The following SMIM41 variants were observed in gnomAD, a reference collection of about 807,000 sequenced individuals.
SMIM41 encodes the protein small integral membrane protein 41.
At chr12:52,085,788 G>A (rs899587442) in intron 2 of SMIM41, among the ~76,000 whole-genome samples, 2 of 152,194 alleles carry the variant, frequency 1.3e-5, no homozygotes, top group African/African-American at 4.8e-5. Context: ...CCAAAGCAGA[G>A]GGCTGTCTGT....
At chr12:52,089,058 G>T (rs1038415859) in intron 2 of SMIM41, among the ~76,000 whole-genome samples, 5 of 151,830 alleles carry the variant, frequency 3.3e-5, no homozygotes, top group African/African-American at 1.2e-4. Flanking sequence ...ACTGCTCCAG[G>T]CACCAAGGGA....
chr12:52,098,712 T>A (rs1372446978), intron 2 of SMIM41, among the ~76,000 whole-genome samples: 1 of 141,762 alleles, frequency 7.1e-6, no homozygotes, highest in Non-Finnish European at 1.5e-5. Flanking sequence ...CTCTCCCCCC[T>A]TGTATATTAG....
intron 2 of SMIM41, among the ~76,000 whole-genome samples, chr12:52,095,118 A>AT (rs370975499): frequency 2.7e-4 from 38 of 138,946 alleles, no homozygotes; most frequent in African/African-American, 4.9e-4. Flanking sequence ...CTTAATTAAA[A>AT]TTTTTTTTTT....
At chr12:52,104,989 A>G (rs1940305369) in intron 2 of SMIM41, among the ~76,000 whole-genome samples, 1 of 152,230 alleles carries the variant, frequency 6.6e-6, no homozygotes, top group Non-Finnish European at 1.5e-5. Flanking sequence ...AGACTAGAAA[A>G]GGAGCAATGC....
At chr12:52,086,127 G>A (rs1309900275) in intron 2 of SMIM41, among the ~76,000 whole-genome samples, 1 of 152,210 alleles carries the variant, frequency 6.6e-6, no homozygotes, top group African/African-American at 2.4e-5. Context: ...CTCAGGGATG[G>A]GGGAGGGAGC....
Position 52,079,860 on chromosome 12 carries a change from GC to G in SMIM41, c.87del (p.Glu30ArgfsTer36). On this transcript the variant is annotated frameshift_variant, in exon 1 of 3. Transcript: ENST00000546390. LOFTEE classifies it high-confidence loss of function. Reference protein sequence around the residue: ...CCNQSASPPEPPEGPRAVQAV... With the variant: ...CCNQSASPPEXPEGPRAVQAV... ...GTAACCAGTCGGCGTCGCCGCCGGA[GC>G]CCCCCGAGGGGCCGCGCGCGGTGCA... is the stretch of plus-strand genomic sequence containing the variant. 5.1e-6 allele frequency: 2 copies of G among 392,406 alleles called. No homozygotes were observed. The highest frequency in any genetic ancestry group is 1.3e-4 in the South Asian group (1 of 7,838). 24.3% of individuals were successfully genotyped at this position (392,406 alleles called of 1,614,324 possible). A position where few individuals can be genotyped will look rare whatever the true frequency, so the allele number is the denominator to read the frequency against.
intron 2 of SMIM41, among the ~76,000 whole-genome samples, chr12:52,089,352 T>TG (rs1389578545): frequency 6.6e-6 from 1 of 152,086 alleles, no homozygotes; most frequent in African/African-American, 2.4e-5. Flanking sequence ...CCCAGCACTT[T>TG]GGAAGGTTGA....
intron 2 of SMIM41, among the ~76,000 whole-genome samples, chr12:52,089,624 AAACAAAAC>A (rs1199124790): frequency 1.3e-5 from 2 of 151,944 alleles, no homozygotes; most frequent in Non-Finnish European, 2.9e-5. Context: ...AAACAAAACA[AAACAAAAC>A]AAAAACCTGC....
intron 2 of SMIM41, among the ~76,000 whole-genome samples, chr12:52,088,417 G>C (rs1249938201): frequency 6.6e-6 from 1 of 152,196 alleles, no homozygotes; most frequent in African/African-American, 2.4e-5. Flanking sequence ...AGCCTGGCAT[G>C]TCTGAAGGGA....
intron 2 of SMIM41, among the ~76,000 whole-genome samples, chr12:52,101,775 C>A (rs1592330698): frequency 6.6e-6 from 1 of 151,568 alleles, no homozygotes; most frequent in Admixed American, 6.6e-5. Flanking sequence ...TGTAGTGGTG[C>A]AGTCTTGGCT....
chr12:52,083,484 C>G (rs916721047), intron 1 of SMIM41, among the ~76,000 whole-genome samples: 2 of 152,210 alleles, frequency 1.3e-5, no homozygotes, highest in Non-Finnish European at 2.9e-5. Flanking sequence ...TGTCCCCTGG[C>G]CTCTCCTCAG....
At chr12:52,105,680 G>T (rs1940321689) in intron 2 of SMIM41, among the ~76,000 whole-genome samples, 1 of 152,078 alleles carries the variant, frequency 6.6e-6, no homozygotes, top group Admixed American at 6.6e-5. Flanking sequence ...TTGAACCTGG[G>T]ATGCGGAGGT....
At position 52,107,930 on chromosome 12, in the gene SMIM41, C is replaced by A. The variant is rs1021630741; in HGVS notation, c.*747C>A. ...GTGACACCTTCATCAATAACATAATCATGTATTTCCCTACTGCCATATTTG... is the reference window on the plus strand; with the variant it reads ...GTGACACCTTCATCAATAACATAATAATGTATTTCCCTACTGCCATATTTG... On this transcript the variant is annotated 3_prime_UTR_variant, in exon 3 of 3. Coordinates refer to ENST00000546390, the MANE Select transcript of SMIM41 (RefSeq NM_001369216.1). The A allele has an allele frequency of 4.4e-5, 12 of 271,504 alleles. No homozygotes were observed. The highest frequency in any genetic ancestry group is 2.7e-4 in the African/African-American group (12 of 44,108). The allele number at this position is 271,504 out of a possible 1,614,324, so 16.8% of individuals were successfully genotyped here. A position where few individuals can be genotyped will look rare whatever the true frequency, so the allele number is the denominator to read the frequency against.
chr12:52,088,528 C>T (rs943569496), intron 2 of SMIM41, among the ~76,000 whole-genome samples: 6 of 152,216 alleles, frequency 3.9e-5, no homozygotes, highest in African/African-American at 1.2e-4. Context: ...GCAGGTTCTG[C>T]ATCTTAGAGG....
chr12:52,082,650 G>C (rs1007342889), intron 1 of SMIM41, among the ~76,000 whole-genome samples: 1 of 152,038 alleles, frequency 6.6e-6, no homozygotes, highest in Non-Finnish European at 1.5e-5. Flanking sequence ...CCAGGCACCC[G>C]AACTCCTAGC....
intron 2 of SMIM41, chr12:52,092,363 TCTC>T (rs1278305659): frequency 1.3e-5 from 2 of 152,196 alleles, no homozygotes; most frequent in Admixed American, 6.5e-5. Flanking sequence ...ATGTCCCACT[TCTC>T]CTCCCCCAGA....
rs1939664367 is a variant in SMIM41 at position 52,107,438 on chromosome 12, T to C, written c.*255T>C. On this transcript the variant is annotated 3_prime_UTR_variant, in exon 3 of 3. Coordinates refer to ENST00000546390, the MANE Select transcript of SMIM41 (RefSeq NM_001369216.1). ...GCTGGACTGTTCCTGTCCATGTGCC[T>C]GGTCATGGTGCTGGGGAACCTGCTC... 2 of 589,432 alleles carry C rather than the reference T, an allele frequency of 3.4e-6. No homozygotes were observed. Among genetic ancestry groups the C allele is most frequent in the South Asian group, 2.7e-5 (2 of 72,942 alleles). The allele number at this position is 589,432 out of a possible 1,614,324, so 36.5% of individuals were successfully genotyped here.
intron 2 of SMIM41, among the ~76,000 whole-genome samples, chr12:52,090,781 C>T (rs1011155487): frequency 2.0e-5 from 3 of 152,160 alleles, no homozygotes; most frequent in Admixed American, 2.0e-4. Flanking sequence ...TGTTGGAAAT[C>T]CATAGGTGGT....
At chr12:52,085,737 G>T (rs1939883220) in intron 2 of SMIM41, among the ~76,000 whole-genome samples, 1 of 152,164 alleles carries the variant, frequency 6.6e-6, no homozygotes. Flanking sequence ...GCTGTACTTG[G>T]GTTGGGGTAG....
Sources: allele counts gnomAD v4.1 joint callset (sites outside exome capture counted in the v4.1 genomes callset), GRCh38; gene constraint gnomAD v4.1.1; transcripts MANE v1.5; gene names NCBI Gene and HGNC (gene_info 2026-07-23, HGNC 2026-07-21).